Variants in FAM120A observed in about 807,000 individuals in gnomAD.
FAM120A encodes family with sequence similarity 120 member A.
Under a neutral mutation model 109.7 loss-of-function variants are expected in FAM120A, and 15 were observed. That is an observed-to-expected ratio of 0.14 (90% CI 0.09 to 0.21). The LOEUF (loss-of-function observed/expected upper bound fraction) is 0.21, where lower values mean the gene tolerates loss of function less well. FAM120A is among the 10% of genes least tolerant of loss of function. The pLI is 1.00. For missense variants in FAM120A, 899 were observed against 1,439.3 expected (o/e 0.62, Z 6.07); for synonymous variants, 493 against 572.8 (o/e 0.86, Z 1.99).
Position 93,513,109 on chromosome 9 carries a change from T to C in FAM120A, c.1031-2558T>C, listed in dbSNP as rs892750440. On this transcript the variant is annotated intron_variant, in intron 5 of 17. Transcript: ENST00000277165. ...GGTAAGTGAGGTCAGCCACAAGATA[T>C]TATACACTAGACATTTTACATTGAT... is the stretch of plus-strand genomic sequence containing the variant. 2.6e-4 allele frequency among the ~76,000 whole-genome samples: 40 copies of C among 152,360 alleles called. 1 individual carries two copies. The highest frequency in any genetic ancestry group is 2.5e-3 in the Admixed American group (38 of 15,300).
chr9:93,530,403 C>T (rs1015276723), intron 9 of FAM120A: 1 of 152,122 alleles, frequency 6.6e-6, no homozygotes, highest in Non-Finnish European at 1.5e-5. Context: ...CATATATAAC[C>T]AGACTTTTCT....
At chr9:93,454,412 TG>T (rs1307166329) in intron 1 of FAM120A, among the ~76,000 whole-genome samples, 1 of 151,752 alleles carries the variant, frequency 6.6e-6, no homozygotes, top group East Asian at 1.9e-4. Context: ...TACAGTGATG[TG>T]GGGGGTTGGC....
At chr9:93,465,411 C>T (rs1279941345) in intron 1 of FAM120A, among the ~76,000 whole-genome samples, 1 of 152,146 alleles carries the variant, frequency 6.6e-6, no homozygotes, top group African/African-American at 2.4e-5. Context: ...TTTCTTTCAA[C>T]TGGACTACCT....
chr9:93,552,128 T>C (rs1216257185), intron 12 of FAM120A, among the ~76,000 whole-genome samples: 1 of 152,190 alleles, frequency 6.6e-6, no homozygotes, highest in East Asian at 1.9e-4. Flanking sequence ...AGTATTGACA[T>C]CCCAGTTCTG....
intron 5 of FAM120A, among the ~76,000 whole-genome samples, chr9:93,507,270 A>T (rs1220668861): frequency 6.6e-6 from 1 of 152,206 alleles, no homozygotes; most frequent in Non-Finnish European, 1.5e-5. Context: ...ATAAGTAGAT[A>T]GTAGATATTG....
rs1857252328 is a variant in FAM120A at position 93,452,017 on chromosome 9, C to T, written c.102C>T (p.Gly34=). Residue 34 remains glycine (G), a synonymous_variant, in exon 1 of 18, where the codon GGC becomes GGT. Coordinates refer to ENST00000277165, the MANE Select transcript of FAM120A (RefSeq NM_014612.5). The surrounding 1 kb of genome is among the most constrained non-coding windows in gnomAD (Gnocchi z 7.0). The part of the protein sequence containing the change: ...QKLARGSLVG[G]GRQRPPQTPL... ...TGGCCCGGGGCAGCCTGGTGGGCGGCGGGCGGCAGCGGCCCCCGCAGACCC... is the reference window on the plus strand; with the variant it reads ...TGGCCCGGGGCAGCCTGGTGGGCGGTGGGCGGCAGCGGCCCCCGCAGACCC... The T allele has an allele frequency of 1.9e-6, 3 of 1,556,650 alleles. No homozygotes were observed. Among genetic ancestry groups the T allele is most frequent in the Non-Finnish European group, 2.6e-6 (3 of 1,151,732 alleles).
intron 1 of FAM120A, chr9:93,453,669 C>G (rs776507644): frequency 4.9e-4 from 477 of 976,474 alleles, no homozygotes; most frequent in Non-Finnish European, 5.5e-4. Flanking sequence ...GGCAGAGTCC[C>G]GATTGGCCCC....
In FAM120A at chr9:93,543,325, C is replaced by A; in HGVS notation, c.2013C>A (p.Asn671Lys). 1 of 1,614,198 alleles carries A rather than the reference C, an allele frequency of 6.2e-7. No individual in the cohort carries two copies. Among genetic ancestry groups the A allele is most frequent in the Non-Finnish European group, 8.5e-7 (1 of 1,180,032 alleles). ...CCTTCAGGGAGTGGACCTGCCCCAACCTGAAGAGGCTGTGGTTGGGTAAGG... is the reference window on the plus strand; with the variant it reads ...CCTTCAGGGAGTGGACCTGCCCCAAACTGAAGAGGCTGTGGTTGGGTAAGG... Reference protein sequence around the residue: ...ALAFREWTCPNLKRLWLGKAV... With the variant: ...ALAFREWTCPKLKRLWLGKAV... Residue 671 changes from asparagine to lysine, a missense_variant, in exon 11 of 18, where the codon AAC becomes AAA. By Grantham distance (94) the Asn-to-Lys change is moderately conservative. Coordinates refer to ENST00000277165, the MANE Select transcript of FAM120A (RefSeq NM_014612.5).
At chr9:93,561,691 A>G (rs147274669) in intron 16 of FAM120A, among the ~76,000 whole-genome samples, 1 of 152,304 alleles carries the variant, frequency 6.6e-6, no homozygotes, top group African/African-American at 2.4e-5. Flanking sequence ...CACTGCACAC[A>G]GCCTTTAACA....
intron 1 of FAM120A, among the ~76,000 whole-genome samples, chr9:93,467,035 G>T (rs866245407): frequency 6.6e-6 from 1 of 152,086 alleles, no homozygotes; most frequent in Non-Finnish European, 1.5e-5. Flanking sequence ...CAATTTTATA[G>T]ATTTGTCAGT....
intron 10 of FAM120A, among the ~76,000 whole-genome samples, chr9:93,541,810 G>T (rs1477851252): frequency 6.6e-6 from 1 of 152,174 alleles, no homozygotes; most frequent in Non-Finnish European, 1.5e-5. Flanking sequence ...ATGAGGTCTT[G>T]ACTCAACGTG....
At chr9:93,453,520 T>G in intron 1 of FAM120A, 2 of 985,456 alleles carry the variant, frequency 2.0e-6, no homozygotes, top group Non-Finnish European at 2.4e-6. Context: ...GCTGAAAGTT[T>G]GTGAAATTCT....
At chr9:93,509,842 T>G in intron 5 of FAM120A, among the ~76,000 whole-genome samples, 1 of 152,224 alleles carries the variant, frequency 6.6e-6, no homozygotes, top group African/African-American at 2.4e-5. Context: ...CTTCAGGCTT[T>G]TCTAAAAGTC....
At chr9:93,564,154 A>T (rs1002457688) in intron 17 of FAM120A, 75 bp from the exon 18 acceptor site, 2 of 1,458,724 alleles carry the variant, frequency 1.4e-6, no homozygotes, top group South Asian at 2.6e-5. Context: ...GAGTGTCATT[A>T]GGCCAAAATT....
At chr9:93,456,771 C>T (rs1003866408) in intron 1 of FAM120A, among the ~76,000 whole-genome samples, 3 of 151,956 alleles carry the variant, frequency 2.0e-5, no homozygotes, top group African/African-American at 7.3e-5. Context: ...ACAATTCTCA[C>T]CCCCAGGTCA....
rs1433726984 is a variant in FAM120A at position 93,463,493 on chromosome 9, A to G, written c.475-7648A>G. Among the ~76,000 whole-genome samples, 3 of 152,214 alleles carry G rather than the reference A, an allele frequency of 2.0e-5. No homozygotes were observed. In the East Asian group the frequency reaches 5.8e-4, roughly 29 times the overall value. On this transcript the variant is annotated intron_variant, in intron 1 of 17. Transcript: ENST00000277165. ...TTAAATTGCCCTTTAAACAGCAACA[A>G]AAATCTGCCACCAAATTGGAGTTGA...
At position 93,486,696 on chromosome 9, in the gene FAM120A, G is replaced by A. The variant is rs931216796; in HGVS notation, c.804+10358G>A. Among the ~76,000 whole-genome samples, 7 of 151,798 alleles carry A rather than the reference G, an allele frequency of 4.6e-5. No individual in the cohort carries two copies. The East Asian group carries it at 1.4e-3, about 29-fold the overall frequency. On this transcript the variant is annotated intron_variant, in intron 3 of 17. Coordinates refer to ENST00000277165, the MANE Select transcript of FAM120A (RefSeq NM_014612.5). ...TTACAGGTGTGTGCCACCACGCCTG[G>A]CTAATTTTTGTATTTTTAGTAGAGA...
intron 3 of FAM120A, among the ~76,000 whole-genome samples, chr9:93,486,118 G>A (rs1410737888): frequency 2.0e-5 from 3 of 151,972 alleles, no homozygotes; most frequent in African/African-American, 7.3e-5. Context: ...GACTATAGGC[G>A]TGTACCACCA....
chr9:93,460,509 G>T (rs890079793), intron 1 of FAM120A, among the ~76,000 whole-genome samples: 2 of 152,042 alleles, frequency 1.3e-5, no homozygotes, highest in African/African-American at 4.8e-5. Flanking sequence ...GCTAATTTTT[G>T]TATTTTTAGT....
Sources: gnomAD v4.1 joint callset for allele counts (sites outside exome capture counted in the v4.1 genomes callset) on GRCh38, gnomAD v4.1.1 for gene constraint, Gnocchi (gnomAD v3.1) non-coding constraint, MANE v1.5 for transcripts, NCBI Gene and HGNC (gene_info 2026-07-23, HGNC 2026-07-21) for gene names.